RIMS2: variants seen among roughly 807,000 people sequenced by gnomAD.
RIMS2 encodes the protein regulating synaptic membrane exocytosis 2, also known as regulating synaptic membrane exocytosis protein 2.
A neutral mutation model predicts 174.4 loss-of-function variants in RIMS2; 59 were observed. The observed-to-expected ratio is 0.34, with a 90% confidence interval of 0.27 to 0.42. The LOEUF (loss-of-function observed/expected upper bound fraction) is 0.42, where lower values mean the gene tolerates loss of function less well. RIMS2 is among the 10% of genes least tolerant of loss of function. The probability of loss-of-function intolerance (pLI) is 1.00; values close to 1 mark genes in which losing one functional copy is unlikely to be tolerated. For synonymous variants in RIMS2, 606 were observed against 572.5 expected, an observed-to-expected ratio of 1.06 and a Z score of -0.84; for missense variants, 1,620 against 1,666.3, an observed-to-expected ratio of 0.97 and a Z score of 0.48.
At chr8:103,652,881 A>G (rs932226993) in intron 1 of RIMS2, among the ~76,000 whole-genome samples, 171 bp downstream of exon 3, 1 of 152,164 alleles carries the variant, frequency 6.6e-6, no homozygotes, top group African/African-American at 2.4e-5. Context: ...GGCAAGGATA[A>G]TTAATAGGGT....
chr8:104,104,755 A>C (rs1459181844), intron 19 of RIMS2, among the ~76,000 whole-genome samples: 1 of 149,662 alleles, frequency 6.7e-6, no homozygotes, highest in African/African-American at 2.5e-5. Flanking sequence ...AGTGGTGCAC[A>C]CCTGTGGTCT....
chr8:103,568,817 C>T lies in RIMS2; in HGVS notation c.176+67755C>T, dbSNP rs554737902. On this transcript the variant is annotated intron_variant, in intron 1 of 23. Coordinates refer to ENST00000504942, the Ensembl canonical transcript of RIMS2. ...TTTGTGCAATCAGTGCTATAAGAAG[C>T]TGAGCATATTCTTCTGTAGGGTTAG... 5 of 1,130,030 alleles carry T rather than the reference C, an allele frequency of 4.4e-6. No homozygotes were observed. The African/African-American group carries it at 6.1e-5, about 14-fold the overall frequency. 70.0% of individuals were successfully genotyped at this position (1,130,030 alleles called of 1,614,324 possible).
rs1483371580 is a variant in RIMS2, at chr8:103,975,237, A to G, written c.2771-113A>G. 4 of 585,288 alleles carry G rather than the reference A, an allele frequency of 6.8e-6. No homozygotes were observed. In the South Asian group the frequency reaches 8.3e-5, roughly 12 times the overall value. 36.3% of individuals were successfully genotyped at this position (585,288 alleles called of 1,614,324 possible). A position where few individuals can be genotyped will look rare whatever the true frequency, so the allele number is the denominator to read the frequency against. ...GTTTATTCACTATACTTTATATTTA[A>G]TATATTAGAAGTCTTTAAATTTCAC... On this transcript the variant is annotated intron_variant, in intron 15 of 23. Coordinates refer to ENST00000504942, the Ensembl canonical transcript of RIMS2.
intron 2 of RIMS2, among the ~76,000 whole-genome samples, chr8:103,759,522 G>A (rs2098082317): frequency 7.3e-6 from 1 of 136,642 alleles, no homozygotes; most frequent in African/African-American, 2.9e-5. Flanking sequence ...CAGAGATTGT[G>A]CCACTGCACT....
intron 1 of RIMS2, among the ~76,000 whole-genome samples, chr8:103,518,825 G>A (rs573454179): frequency 1.3e-5 from 2 of 152,188 alleles, no homozygotes; most frequent in East Asian, 1.9e-4. Context: ...GAATTCCTAC[G>A]AGTGCATTTT....
intron 14 of RIMS2, among the ~76,000 whole-genome samples, chr8:103,952,319 C>T (rs1423552556): frequency 6.6e-6 from 1 of 152,192 alleles, no homozygotes; most frequent in Non-Finnish European, 1.5e-5. Context: ...GACTAGGAGA[C>T]ACCTCCCAGT....
chr8:104,085,455 A>C (rs2097521740), intron 19 of RIMS2, among the ~76,000 whole-genome samples: 1 of 152,206 alleles, frequency 6.6e-6, no homozygotes, highest in South Asian at 2.1e-4. Context: ...CTCACATCAA[A>C]TGATCACCTT....
At chr8:103,682,110 T>G (rs1208715619) in intron 1 of RIMS2, among the ~76,000 whole-genome samples, 1 of 152,130 alleles carries the variant, frequency 6.6e-6, no homozygotes, top group Non-Finnish European at 1.5e-5. Flanking sequence ...GTAGGAAAAC[T>G]GTGAGTTTTC....
intron 19 of RIMS2, among the ~76,000 whole-genome samples, chr8:104,131,938 T>A (rs1440797322): frequency 6.6e-6 from 1 of 152,062 alleles, no homozygotes; most frequent in Non-Finnish European, 1.5e-5. Flanking sequence ...TGGGAACTAA[T>A]TGCCATTTTA....
rs575990101 is a variant in RIMS2, at chr8:104,116,817, CTT to C, written c.3334+102203_3334+102204del. Among the ~76,000 whole-genome samples, 5 of 152,130 alleles carry C rather than the reference CTT, an allele frequency of 3.3e-5. No homozygotes were observed. The East Asian group carries it at 5.8e-4, about 18-fold the overall frequency. ...AAAACATATTTCTTTATCAGTCTAA[CTT>C]AAGTATAAATGGTAATTATAATTAC... On this transcript the variant is annotated intron_variant, in intron 19 of 23. Transcript: ENST00000504942.
chr8:103,813,083 T>A lies in RIMS2; in HGVS notation c.698+46546T>A, dbSNP rs371474831. On this transcript the variant is annotated intron_variant, in intron 3 of 23. Coordinates refer to ENST00000504942, the Ensembl canonical transcript of RIMS2. ...TAGATGATACATATTGTGTATCTTA[T>A]GATTTTAATGATTCATTAGCTTTGT... 3.3e-5 allele frequency among the ~76,000 whole-genome samples: 5 copies of A among 152,226 alleles called. No individual in the cohort carries two copies. The South Asian group carries it at 6.2e-4, about 19-fold the overall frequency.
At chr8:104,235,624 TTTATC>T (rs1459630076) in intron 19 of RIMS2, among the ~76,000 whole-genome samples, 1 of 152,054 alleles carries the variant, frequency 6.6e-6, no homozygotes, top group African/African-American at 2.4e-5. Flanking sequence ...CGTTATTGAC[TTTATC>T]TTTTCTCTTT....
intron 1 of RIMS2, among the ~76,000 whole-genome samples, chr8:103,563,670 G>T (rs987473737): frequency 6.6e-6 from 1 of 152,022 alleles, no homozygotes; most frequent in Non-Finnish European, 1.5e-5. Context: ...TATCTTTTCA[G>T]TAGCACCCCA....
chr8:103,782,307 G>A (rs79198082), intron 3 of RIMS2, among the ~76,000 whole-genome samples: 8,392 of 151,704 alleles, frequency 0.055, 292 homozygotes, highest in Non-Finnish European at 0.075. Context: ...CTTTACCAGT[G>A]CATAGTGAGT....
intron 16 of RIMS2, among the ~76,000 whole-genome samples, chr8:103,977,955 G>A (rs1371022256): frequency 6.6e-6 from 1 of 152,206 alleles, no homozygotes; most frequent in Admixed American, 6.5e-5. Flanking sequence ...CCCTCTTTCT[G>A]TAGGTCAGTA....
At chr8:103,916,873 T>TA (rs1320045782) in intron 8 of RIMS2, among the ~76,000 whole-genome samples, 3 of 152,082 alleles carry the variant, frequency 2.0e-5, no homozygotes. Context: ...TTTTTCAAAA[T>TA]AGAGATTTCA....
intron 1 of RIMS2, among the ~76,000 whole-genome samples, chr8:103,517,976 G>T (rs1829824185): frequency 6.6e-6 from 1 of 151,878 alleles, no homozygotes; most frequent in Non-Finnish European, 1.5e-5. Flanking sequence ...ACAAATTTAT[G>T]TTGGGCCACA....
intron 19 of RIMS2, among the ~76,000 whole-genome samples, chr8:104,149,324 G>C (rs1429572947): frequency 6.6e-6 from 1 of 152,198 alleles, no homozygotes; most frequent in African/African-American, 2.4e-5. Flanking sequence ...ACATTTACCA[G>C]TAGTTATCAA....
chr8:103,891,911 C>T (rs2099248402), intron 4 of RIMS2, among the ~76,000 whole-genome samples: 1 of 151,882 alleles, frequency 6.6e-6, no homozygotes, highest in East Asian at 1.9e-4. Context: ...AAAACAAACC[C>T]AAAAGATGTC....
Sources: allele counts gnomAD v4.1 joint callset (sites outside exome capture counted in the v4.1 genomes callset), GRCh38; gene constraint gnomAD v4.1.1; transcripts MANE v1.5; gene names NCBI Gene and HGNC (gene_info 2026-07-23, HGNC 2026-07-21).